The following NRXN3 variants were observed in gnomAD, a reference collection of about 807,000 sequenced individuals.
NRXN3 encodes neurexin III.
A neutral mutation model predicts 137.6 loss-of-function variants in NRXN3; 32 were observed. The observed-to-expected ratio is 0.23, with a 90% CI of 0.18 to 0.31. The LOEUF is 0.31. Ranked by LOEUF, NRXN3 falls within the 10% of genes least tolerant of loss-of-function variation. The pLI is 1.00. For missense variants in NRXN3, 1,574 were observed against 2,062.5 expected, an observed-to-expected ratio of 0.76 and a Z score of 4.59; for synonymous variants, 798 against 784.5, an observed-to-expected ratio of 1.02 and a Z score of -0.29.
intron 1 of NRXN3, among the ~76,000 whole-genome samples, chr14:78,192,421 A>G (rs2060834105): frequency 6.6e-6 from 1 of 152,104 alleles, no homozygotes; most frequent in Non-Finnish European, 1.5e-5. Context: ...TTGCTCTGCA[A>G]AAATAGCCTC....
intron 4 of NRXN3, among the ~76,000 whole-genome samples, chr14:78,499,298 A>G (rs1275107729): frequency 6.6e-6 from 1 of 152,098 alleles, no homozygotes; most frequent in Non-Finnish European, 1.5e-5. Flanking sequence ...CACATGGGTC[A>G]TTAAAGTCCG....
chr14:79,575,199 T>A (rs2097652943), intron 16 of NRXN3, among the ~76,000 whole-genome samples: 1 of 152,148 alleles, frequency 6.6e-6, no homozygotes, highest in South Asian at 2.1e-4. Context: ...AGCAATTAAG[T>A]ACCTAATTGT....
chr14:78,613,273 T>C (rs989009391), intron 4 of NRXN3, among the ~76,000 whole-genome samples: 10 of 152,238 alleles, frequency 6.6e-5, no homozygotes, highest in African/African-American at 2.4e-4. Context: ...GTAGTTATAT[T>C]TTATTCTTAA....
intron 15 of NRXN3, among the ~76,000 whole-genome samples, chr14:79,044,571 A>G (rs2099630035): frequency 6.6e-6 from 1 of 152,208 alleles, no homozygotes; most frequent in Non-Finnish European, 1.5e-5. Context: ...AATGTTTGCT[A>G]TAATTACTAC....
chr14:79,825,072 A>C (rs774453888), intron 20 of NRXN3, among the ~76,000 whole-genome samples: 20 of 152,170 alleles, frequency 1.3e-4, no homozygotes, highest in Non-Finnish European at 1.8e-4. Flanking sequence ...TATTTGCTAC[A>C]TTTGGAGTCA....
chr14:79,086,131 G>C (rs2048048845), intron 15 of NRXN3, among the ~76,000 whole-genome samples: 4 of 152,154 alleles, frequency 2.6e-5, no homozygotes, highest in Admixed American at 1.3e-4. Flanking sequence ...TGGGGGCAGA[G>C]AGCTTCCGGT....
intron 4 of NRXN3, among the ~76,000 whole-genome samples, chr14:78,579,433 T>C (rs963688306): frequency 6.6e-6 from 1 of 152,082 alleles, no homozygotes; most frequent in South Asian, 2.1e-4. Context: ...TTCCAAGCTG[T>C]GTCTGAATTC....
At position 79,832,665 on chromosome 14, in the gene NRXN3, G is replaced by A. The variant is rs575786418; in HGVS notation, c.4093+27475G>A. ...TTATCCCACCCAAAATGGCAATAGT[G>A]TAGAGGTTGAAAAATGTCACTTTAA... On this transcript the variant is annotated intron_variant, in intron 20 of 20. Coordinates refer to ENST00000335750, the MANE Select transcript of NRXN3 (RefSeq NM_001330195.2). Among the ~76,000 whole-genome samples, 7 of 152,196 alleles carry A rather than the reference G, an allele frequency of 4.6e-5. No homozygotes were observed. In the South Asian group the frequency reaches 1.5e-3, roughly 32 times the overall value.
chr14:78,667,066 T>C (rs556995275), intron 6 of NRXN3, among the ~76,000 whole-genome samples: 5 of 152,296 alleles, frequency 3.3e-5, no homozygotes, highest in Admixed American at 6.5e-5. Context: ...CCCTTTCTTC[T>C]AGAACCTAGC....
At chr14:79,273,069 G>A (rs1363612291) in intron 15 of NRXN3, among the ~76,000 whole-genome samples, 1 of 150,856 alleles carries the variant, frequency 6.6e-6, no homozygotes, top group East Asian at 2.0e-4. Context: ...CTACTCGGGA[G>A]GATGAAAAAG....
At chr14:79,860,994 G>A in intron 20 of NRXN3, 2 of 1,230,448 alleles carry the variant, frequency 1.6e-6, no homozygotes, top group Admixed American at 3.3e-5. Context: ...AGTGAGAGTT[G>A]TTTACAAATA....
At chr14:78,831,767 G>A (rs2098983067) in intron 10 of NRXN3, among the ~76,000 whole-genome samples, 1 of 151,706 alleles carries the variant, frequency 6.6e-6, no homozygotes, top group African/African-American at 2.4e-5. Context: ...AATAAATAGT[G>A]GGACCCTCAT....
At chr14:79,380,996 C>T (rs1029076859) in intron 15 of NRXN3, among the ~76,000 whole-genome samples, 1 of 152,020 alleles carries the variant, frequency 6.6e-6, no homozygotes, top group Non-Finnish European at 1.5e-5. Flanking sequence ...CTGGCCCCAC[C>T]TTGGACAGAG....
At chr14:78,224,416 C>A (rs1218252974) in intron 1 of NRXN3, among the ~76,000 whole-genome samples, 1 of 151,920 alleles carries the variant, frequency 6.6e-6, no homozygotes, top group Non-Finnish European at 1.5e-5. Flanking sequence ...CTAATGCTAT[C>A]CCTCCCCACT....
chr14:79,176,413 A>C (rs1003395150), intron 15 of NRXN3, among the ~76,000 whole-genome samples: 1 of 151,296 alleles, frequency 6.6e-6, no homozygotes, highest in African/African-American at 2.4e-5. Context: ...CCCACAGAAA[A>C]CCTCTAGCCT....
At chr14:79,384,849 A>T (rs1035415715) in intron 15 of NRXN3, among the ~76,000 whole-genome samples, 3 of 152,242 alleles carry the variant, frequency 2.0e-5, no homozygotes, top group Non-Finnish European at 4.4e-5. Flanking sequence ...ATTAAATAAA[A>T]TAATGCATGT....
chr14:79,277,482 G>A (rs1196481104), intron 15 of NRXN3, among the ~76,000 whole-genome samples: 1 of 152,184 alleles, frequency 6.6e-6, no homozygotes, highest in Non-Finnish European at 1.5e-5. Context: ...AATAGCATAA[G>A]ACCCTAACCA....
chr14:79,740,769 A>G lies in NRXN3; in HGVS notation c.4014+42832A>G, dbSNP rs376867218. Among the ~76,000 whole-genome samples, 116 of 63,266 alleles carry G rather than the reference A, an allele frequency of 1.8e-3. 5 individuals are homozygous for G. In the East Asian group the frequency reaches 0.037, roughly 20 times the overall value. The allele number at this position is 63,266 out of a possible 152,430, so 41.5% of individuals were successfully genotyped here. ...ATATATATATATATATATATATATA[A>G]CCTTACTTCTGCTTTTAAACATAGA... On this transcript the variant is annotated intron_variant, in intron 19 of 20. Coordinates refer to ENST00000335750, the MANE Select transcript of NRXN3 (RefSeq NM_001330195.2).
intron 16 of NRXN3, among the ~76,000 whole-genome samples, chr14:79,658,004 C>T (rs1237201513): frequency 6.6e-6 from 1 of 152,074 alleles, no homozygotes; most frequent in African/African-American, 2.4e-5. Flanking sequence ...ATTTACTGAG[C>T]TCATGTTAGG....
Sources: allele counts gnomAD v4.1 joint callset (sites outside exome capture counted in the v4.1 genomes callset), GRCh38; gene constraint gnomAD v4.1.1; transcripts MANE v1.5; gene names NCBI Gene and HGNC (gene_info 2026-07-23, HGNC 2026-07-21).